The following FLNC variants were observed in gnomAD, a reference collection of about 807,000 sequenced individuals.
The protein encoded by FLNC is filamin-C.
FLNC carries 91 observed loss-of-function variants against 254.3 expected under a neutral mutation model. That is an observed-to-expected ratio of 0.36 (90% confidence interval 0.30 to 0.43). FLNC has a LOEUF of 0.43. Among genes scored for constraint, FLNC ranks in the 20% least tolerant of loss-of-function variants. FLNC has a pLI of 1.00. For synonymous variants in FLNC, 1,430 were observed against 1,577.2 expected (o/e 0.91, Z 2.21); for missense variants, 2,853 against 3,802.6 (o/e 0.75, Z 6.57).
intron 40 of FLNC, 58 bp downstream of exon 40, chr7:128,854,274 G>A: frequency 3.1e-6 from 5 of 1,604,934 alleles, no homozygotes; most frequent in Middle Eastern, 1.7e-4. Flanking sequence ...GGGTGCTGCG[G>A]ACCAGGCTTG....
rs761269440 is a variant in FLNC, at chr7:128,854,549, C to T, written c.6864C>T (p.Val2288=). Residue 2288 remains valine, a synonymous_variant, in exon 41 of 48, where the codon GTC becomes GTT. Transcript: ENST00000325888. ...CCCAGGAAATGGGGCCCCATACGGT[C>T]GCTGTCAAGTACCGTGGCCAGCACG... The part of the protein sequence containing the change: ...FVPQEMGPHT[V]AVKYRGQHVP... 104 of 1,607,728 alleles carry T rather than the reference C, an allele frequency of 6.5e-5. 1 individual carries two copies. The highest frequency in any genetic ancestry group is 7.9e-5 in the Non-Finnish European group (93 of 1,177,752).
chr7:128,856,961 G>A lies in FLNC; in HGVS notation c.7561+40G>A, dbSNP rs996852608. ...CTGGGGAACAGGGTGACTTCTGGGGGTGCTTGGCCACTAGTCTGGTGCTGC... is the reference window on the plus strand; with the variant it reads ...CTGGGGAACAGGGTGACTTCTGGGGATGCTTGGCCACTAGTCTGGTGCTGC... On this transcript the variant is annotated intron_variant, in intron 45 of 47. Transcript: ENST00000325888. This position sits in a 1 kb window ranked among gnomAD's most constrained non-coding sequence, Gnocchi z 5.9. The A allele has an allele frequency of 1.9e-6, 3 of 1,607,706 alleles. No homozygotes were observed. Among genetic ancestry groups the A allele is most frequent in the Admixed American group, 1.7e-5 (1 of 59,870 alleles).
chr7:128,840,925 G>A lies in FLNC; in HGVS notation c.1768G>A (p.Ala590Thr). The change falls in exon 11 of 48, where the codon GCC (alanine) becomes ACC (threonine). Residue 590 changes from alanine (A) to threonine (T), a missense_variant. Transcript: ENST00000325888. ...GLETGQVGKS[A>T]DFVVEAIGTE... is the part of the protein sequence containing the mutation. ...GGAGACTGGCCAGGTGGGCAAGTCA[G>A]CCGATTTTGTGGTGGAAGCCATTGG... The A allele has an allele frequency of 8.7e-6, 14 of 1,609,966 alleles. No homozygotes were observed. Among genetic ancestry groups the A allele is most frequent in the Non-Finnish European group, 1.2e-5 (14 of 1,178,200 alleles).
chr7:128,845,149 C>T lies in FLNC; in HGVS notation c.3684C>T (p.Ile1228=). Residue 1228 remains isoleucine, a synonymous_variant, in exon 21 of 48, where the codon ATC becomes ATT. Transcript: ENST00000325888. Reference sequence around the variant, plus strand: ...TCCCTGGCACCTACACCATTACCATCAAGTATGGCGGGCATCCCGTGCCCA... The same window carrying T: ...TCCCTGGCACCTACACCATTACCATTAAGTATGGCGGGCATCCCGTGCCCA... ...PAFPGTYTIT[I]KYGGHPVPKF... 1.2e-6 allele frequency: 2 copies of T among 1,614,044 alleles called. No individual in the cohort carries two copies. The highest frequency in any genetic ancestry group is 1.7e-6 in the Non-Finnish European group (2 of 1,180,038).
chr7:128,844,243 G>GTC lies in FLNC; in HGVS notation c.3170_3171dup (p.Leu1058SerfsTer21). ...TGGCAGCCCGTTTGCTGTGGAGGGTGTCCTGCCCCCTGATCCCTCCAAGGT... is the reference window on the plus strand; with the variant it reads ...TGGCAGCCCGTTTGCTGTGGAGGGTGTCTCCTGCCCCCTGATCCCTCCAAGGT... On this transcript the variant is annotated frameshift_variant, in exon 20 of 48. Transcript: ENST00000325888. LOFTEE classifies it high-confidence loss of function. 1 of 1,609,956 alleles carries GTC rather than the reference G, an allele frequency of 6.2e-7. No individual in the cohort carries two copies. The highest frequency in any genetic ancestry group is 8.5e-7 in the Non-Finnish European group (1 of 1,177,632).
Position 128,847,787 on chromosome 7 carries a change from G to A in FLNC, c.4379G>A (p.Arg1460Gln), listed in dbSNP as rs773716930. The A allele has an allele frequency of 8.1e-6, 13 of 1,613,652 alleles. No individual in the cohort carries two copies. Among genetic ancestry groups the A allele is most frequent in the Middle Eastern group, 1.6e-4 (1 of 6,072 alleles). ...GGGCTGGGGGCTGGTGTCAGGGCCC[G>A]GGTTCCTCAGACCTTCACAGTGGAT... Reference protein sequence around the residue: ...GPGLGAGVRARVPQTFTVDCS... With the variant: ...GPGLGAGVRAQVPQTFTVDCS... The change falls in exon 25 of 48, where the codon CGG (arginine) becomes CAG (glutamine). Residue 1460 changes from arginine to glutamine, a missense_variant. By Grantham distance (43) the Arg-to-Gln change is conservative (BLOSUM62 1). This residue lies in a region of FLNC where 1,573 missense variants were observed against 1,883.5 expected (regional missense o/e 0.84). Transcript: ENST00000325888.
rs28437296 is a variant in FLNC, at chr7:128,858,466, T to G, written c.8121T>G (p.Ile2707Met). 6.2e-7 allele frequency: 1 copy of G among 1,611,440 alleles called. No individual in the cohort carries two copies. The highest frequency in any genetic ancestry group is 8.5e-7 in the Non-Finnish European group (1 of 1,179,000). The part of the protein sequence containing the change: ...TVKEKGDYIL[I>M]VKWGDESVPG... Reference sequence around the variant, plus strand: ...AGGAGAAAGGGGACTACATCCTCATTGTCAAGTGGGGTGACGAAAGTGTCC... The same window carrying G: ...AGGAGAAAGGGGACTACATCCTCATGGTCAAGTGGGGTGACGAAAGTGTCC... The change falls in exon 48 of 48, where the codon ATT (isoleucine) becomes ATG (methionine). Residue 2707 changes from isoleucine to methionine, a missense_variant. By Grantham distance (10) the Ile-to-Met change is conservative (BLOSUM62 1). Coordinates refer to ENST00000325888, the MANE Select transcript of FLNC (RefSeq NM_001458.5). The surrounding 1 kb of genome is among the most constrained non-coding windows in gnomAD (Gnocchi z 6.7).
chr7:128,857,146 C>T lies in FLNC; in HGVS notation c.7590C>T (p.Thr2530=), dbSNP rs1443459634. Residue 2530 remains threonine (T), a synonymous_variant, in exon 46 of 48, where the codon ACC becomes ACT. Transcript: ENST00000325888. This position sits in a 1 kb window ranked among gnomAD's most constrained non-coding sequence, Gnocchi z 4.5. ...TGVSSEFIVN[T]LNAGSGALSV... ...TGTCATCAGAGTTCATCGTGAACAC[C>T]CTGAATGCCGGCTCGGGGGCCTTGT... 1.2e-6 allele frequency: 2 copies of T among 1,614,018 alleles called. No homozygotes were observed. Among genetic ancestry groups the T allele is most frequent in the African/African-American group, 2.7e-5 (2 of 74,912 alleles).
rs1809071219 is a variant in FLNC at position 128,856,611 on chromosome 7, G to C, written c.7345G>C (p.Gly2449Arg). The change falls in exon 44 of 48, where the codon GGG becomes CGG. Residue 2449 changes from glycine (G) to arginine (R), a missense_variant. Transcript: ENST00000325888. This position sits in a 1 kb window ranked among gnomAD's most constrained non-coding sequence, Gnocchi z 5.9. ...TGATGCCCGGGTGCACACACCCTCGGGGGCTGTGGAGGAGTGCTACGTCTC... is the reference window on the plus strand; with the variant it reads ...TGATGCCCGGGTGCACACACCCTCGCGGGCTGTGGAGGAGTGCTACGTCTC... ...VIDARVHTPS[G>R]AVEECYVSEL... The C allele has an allele frequency of 6.2e-7, 1 of 1,612,780 alleles. No homozygotes were observed. The highest frequency in any genetic ancestry group is 1.7e-5 in the Admixed American group (1 of 60,014).
chr7:128,847,655 A>G (rs1401077083), intron 24 of FLNC, 42 bp from the exon 25 acceptor site: 1 of 1,613,000 alleles, frequency 6.2e-7, no homozygotes, highest in African/African-American at 1.3e-5. Context: ...AGGGGGACCC[A>G]TCAGGGCTGG....
intron 1 of FLNC, 44 bp downstream of exon 1, chr7:128,831,033 C>T: frequency 6.3e-7 from 1 of 1,578,212 alleles, no homozygotes; most frequent in Non-Finnish European, 8.6e-7. Context: ...GGGATAGGGT[C>T]GTCCCATGGG....
Position 128,851,439 on chromosome 7 carries a change from A to C in FLNC, c.5669-16A>C. 4 of 1,613,918 alleles carry C rather than the reference A, an allele frequency of 2.5e-6. No homozygotes were observed. In the South Asian group the frequency reaches 4.4e-5, roughly 18 times the overall value. ...GAGGGCAGGACCTCTGATCTTGGCCACACCTCCACCTACAGGGGGTCTGTC... is the reference window on the plus strand; with the variant it reads ...GAGGGCAGGACCTCTGATCTTGGCCCCACCTCCACCTACAGGGGGTCTGTC... On this transcript the variant is annotated splice_polypyrimidine_tract_variant and intron_variant, in intron 34 of 47. Transcript: ENST00000325888.
intron 39 of FLNC, 67 bp downstream of exon 39, chr7:128,853,904 C>A: frequency 6.2e-7 from 1 of 1,613,076 alleles, no homozygotes. Flanking sequence ...CAGAGCCCAC[C>A]TGTCGGGCCT....
chr7:128,858,727 G>A lies in FLNC; in HGVS notation c.*204G>A, dbSNP rs1809180251. On this transcript the variant is annotated 3_prime_UTR_variant, in exon 48 of 48. Coordinates refer to ENST00000325888, the MANE Select transcript of FLNC (RefSeq NM_001458.5). The surrounding 1 kb of genome is among the most constrained non-coding windows in gnomAD (Gnocchi z 6.7). ...GGAGGACCTTGTCTGTGTCAGGACAGTGTCCCTCCCTGGGAATGTGACATG... is the reference window on the plus strand; with the variant it reads ...GGAGGACCTTGTCTGTGTCAGGACAATGTCCCTCCCTGGGAATGTGACATG... 5.0e-6 allele frequency: 3 copies of A among 598,522 alleles called. No homozygotes were observed. Among genetic ancestry groups the A allele is most frequent in the African/African-American group, 1.8e-5 (1 of 54,096 alleles). 37.1% of individuals were successfully genotyped at this position (598,522 alleles called of 1,614,324 possible).
Position 128,840,137 on chromosome 7 carries a change from T to G in FLNC, c.1526T>G (p.Leu509Arg), listed in dbSNP as rs759069062. 1 of 1,613,816 alleles carries G rather than the reference T, an allele frequency of 6.2e-7. No individual in the cohort carries two copies. Among genetic ancestry groups the G allele is most frequent in the South Asian group, 1.1e-5 (1 of 91,086 alleles). The change falls in exon 9 of 48, where the codon CTC becomes CGC. Residue 509 changes from leucine to arginine, a missense_variant. Leu to Arg is a moderately radical substitution (Grantham distance 102, BLOSUM62 -2). Coordinates refer to ENST00000325888, the MANE Select transcript of FLNC (RefSeq NM_001458.5). ...ACCAAGGGTGCCGGCAGCGGGGAGCTCAAGGTCACGGTCAAGGGGCCAAGT... is the reference window on the plus strand; with the variant it reads ...ACCAAGGGTGCCGGCAGCGGGGAGCGCAAGGTCACGGTCAAGGGGCCAAGT... ...VFTKGAGSGE[L>R]KVTVKGPKGT...
At position 128,853,592 on chromosome 7, in the gene FLNC, A is replaced by T; in HGVS notation, c.6332A>T (p.Asn2111Ile). Residue 2111 changes from asparagine to isoleucine, a missense_variant, in exon 38 of 48, where the codon AAC becomes ATC. Asn to Ile is a moderately radical substitution (Grantham distance 149). Coordinates refer to ENST00000325888, the MANE Select transcript of FLNC (RefSeq NM_001458.5). ...CPTEPGTYII[N>I]IKFADKHVPG... Reference sequence around the variant, plus strand: ...ACCGAGCCCGGCACCTACATCATCAACATCAAGTTTGCTGACAAGCACGTG... The same window carrying T: ...ACCGAGCCCGGCACCTACATCATCATCATCAAGTTTGCTGACAAGCACGTG... The T allele has an allele frequency of 6.2e-7, 1 of 1,614,120 alleles. No homozygotes were observed. Among genetic ancestry groups the T allele is most frequent in the Non-Finnish European group, 8.5e-7 (1 of 1,180,032 alleles).
In FLNC at chr7:128,840,658, T is replaced by C. The variant is rs1387346652; in HGVS notation, c.1660T>C (p.Tyr554His). ...KYVVTITWGG[Y>H]AIPRSPFEVQ... ...TGTGGTGACCATCACGTGGGGCGGC[T>C]ACGCCATCCCTCGCAGGTGAGTACC... The change falls in exon 10 of 48, where the codon TAC becomes CAC. Residue 554 changes from tyrosine to histidine, a missense_variant. Around this residue, in one of 10 missense-constraint regions of FLNC, gnomAD observed 1,573 missense variants for 1,883.5 expected, o/e 0.84. Coordinates refer to ENST00000325888, the MANE Select transcript of FLNC (RefSeq NM_001458.5). 1.2e-6 allele frequency: 2 copies of C among 1,614,220 alleles called. No individual in the cohort carries two copies. Among genetic ancestry groups the C allele is most frequent in the Non-Finnish European group, 1.7e-6 (2 of 1,180,030 alleles).
At position 128,846,888 on chromosome 7, in the gene FLNC, G is replaced by T. The variant is rs372668981; in HGVS notation, c.4271G>T (p.Gly1424Val). 1 of 1,614,106 alleles carries T rather than the reference G, an allele frequency of 6.2e-7. No homozygotes were observed. The highest frequency in any genetic ancestry group is 8.5e-7 in the Non-Finnish European group (1 of 1,180,038). ...GACTATGACGTCAACATCACCTTCG[G>T]GGGGCGGCCCATCCCAGGTGTGCAG... ...PGDYDVNITF[G>V]GRPIPGSPFR... Residue 1424 changes from glycine to valine, a missense_variant, in exon 24 of 48, where the codon GGG (glycine) becomes GTG (valine). Around this residue, in one of 10 missense-constraint regions of FLNC, gnomAD observed 1,573 missense variants for 1,883.5 expected, o/e 0.84. Coordinates refer to ENST00000325888, the MANE Select transcript of FLNC (RefSeq NM_001458.5).
Position 128,842,781 on chromosome 7 carries a change from CGCTTCTCTGCAGGCGACGTGAGCATCG to C in FLNC, c.2390-10_2406del, listed in dbSNP as rs1554398674. ...GCTGAGCCCAACTCACAGCAGTGCCCGCTTCTCTGCAGGCGACGTGAGCATCGGCATCAAGTGCGCCCCAGGCGTGGT... is the reference window on the plus strand; with the variant it reads ...GCTGAGCCCAACTCACAGCAGTGCCCGCATCAAGTGCGCCCCAGGCGTGGT... On this transcript the variant is annotated splice_acceptor_variant and splice_polypyrimidine_tract_variant and coding_sequence_variant and intron_variant, in exon 16 of 48. Coordinates refer to ENST00000325888, the MANE Select transcript of FLNC (RefSeq NM_001458.5). LOFTEE classifies it high-confidence loss of function. The surrounding 1 kb of genome is among the most constrained non-coding windows in gnomAD (Gnocchi z 5.4). The C allele has an allele frequency of 6.2e-7, 1 of 1,612,960 alleles. No individual in the cohort carries two copies. The highest frequency in any genetic ancestry group is 8.5e-7 in the Non-Finnish European group (1 of 1,179,800).
Sources: allele counts gnomAD v4.1 joint callset, GRCh38; gene constraint gnomAD v4.1.1; regional missense constraint gnomAD v4.1.1; non-coding constraint Gnocchi (gnomAD v3.1); transcripts MANE v1.5; gene names NCBI Gene and HGNC (gene_info 2026-07-23, HGNC 2026-07-21).